BCL6: variants seen among roughly 807,000 people sequenced by gnomAD.
The protein encoded by BCL6 is BCL6 transcription repressor.
A neutral mutation model predicts 59.5 loss-of-function variants in BCL6; 7 were observed. The observed-to-expected ratio is 0.12, with a 90% CI of 0.07 to 0.22. The LOEUF is 0.22. BCL6 is among the 10% of genes least tolerant of loss of function. BCL6 has a pLI of 1.00. For missense variants in BCL6, 685 were observed against 939.4 expected, an observed-to-expected ratio of 0.73 and a Z score of 3.54; for synonymous variants, 339 against 349.7, an observed-to-expected ratio of 0.97 and a Z score of 0.34.
intron 1 of BCL6, chr3:187,736,592 T>C (rs183436953): frequency 1.3e-5 from 2 of 152,312 alleles, no homozygotes; most frequent in African/African-American, 2.4e-5. Context: ...CAGATGCGGA[T>C]TGAAACAAAC....
chr3:187,744,326 C>T (rs1576884732), intron 1 of BCL6, among the ~76,000 whole-genome samples: 1 of 151,932 alleles, frequency 6.6e-6, no homozygotes, highest in Admixed American at 6.5e-5. Flanking sequence ...CCCTTTCCCA[C>T]CCACCCCAAG....
intron 1 of BCL6, among the ~76,000 whole-genome samples, chr3:187,744,574 C>G (rs895018974): frequency 1.3e-5 from 2 of 152,034 alleles, no homozygotes; most frequent in South Asian, 4.2e-4. Flanking sequence ...GGATTTATGA[C>G]CAAAAAAACA....
intron 1 of BCL6, among the ~76,000 whole-genome samples, chr3:187,739,990 C>T (rs1052181407): frequency 1.3e-5 from 2 of 152,204 alleles, no homozygotes; most frequent in Non-Finnish European, 2.9e-5. Context: ...CGAACAGAGG[C>T]GCGTTTCTCC....
chr3:187,739,812 G>A (rs560162893), intron 1 of BCL6, among the ~76,000 whole-genome samples: 40 of 152,270 alleles, frequency 2.6e-4, no homozygotes, highest in African/African-American at 8.9e-4. Context: ...GGGGAGGGGA[G>A]AAGCATGATC....
intron 5 of BCL6, 128 bp downstream of exon 5, chr3:187,728,921 TA>T: frequency 7.8e-7 from 1 of 1,277,872 alleles, no homozygotes; most frequent in Non-Finnish European, 1.0e-6. Context: ...TTACTCAGAC[TA>T]ACTCAATCTA....
intron 6 of BCL6, among the ~76,000 whole-genome samples, chr3:187,727,850 T>A (rs1267189979): frequency 6.6e-6 from 1 of 152,204 alleles, no homozygotes; most frequent in Non-Finnish European, 1.5e-5. Context: ...CCACCAACTA[T>A]CCAGAAACTG....
chr3:187,733,965 T>C, intron 2 of BCL6: 2 of 472,622 alleles, frequency 4.2e-6, no homozygotes, highest in Non-Finnish European at 7.8e-6. Flanking sequence ...TTGAGTGTTT[T>C]TCCCACATAC....
At chr3:187,735,575 C>T (rs1719246897) in intron 1 of BCL6, among the ~76,000 whole-genome samples, 1 of 152,210 alleles carries the variant, frequency 6.6e-6, no homozygotes. Context: ...TGTTCTCTCC[C>T]TTCCCTACTG....
intron 1 of BCL6, among the ~76,000 whole-genome samples, chr3:187,744,238 C>G (rs1711759589): frequency 1.3e-5 from 2 of 152,316 alleles, no homozygotes; most frequent in African/African-American, 4.8e-5. Flanking sequence ...CGCCACCTTT[C>G]TCGTTCTCCC....
intron 1 of BCL6, among the ~76,000 whole-genome samples, chr3:187,745,158 G>A (rs186235514): frequency 1.3e-5 from 2 of 152,214 alleles, no homozygotes; most frequent in South Asian, 2.1e-4. Flanking sequence ...TATATCCTAT[G>A]GTGGGAGAGA....
Position 187,729,685 on chromosome 3 carries a change from A to C in BCL6, c.720T>G (p.Gly240=). The C allele has an allele frequency of 3.1e-6, 5 of 1,614,054 alleles. No individual in the cohort carries two copies. The highest frequency in any genetic ancestry group is 4.2e-6 in the Non-Finnish European group (5 of 1,179,986). ...CCTCCAAAGTCGGCCGGCTGTACTCACCAGGGACTGGCCTGGCACTATCAC... is the reference window on the plus strand; with the variant it reads ...CCTCCAAAGTCGGCCGGCTGTACTCCCCAGGGACTGGCCTGGCACTATCAC... ...LPCDSARPVP[G]EYSRPTLEVS... Residue 240 remains glycine (G), a synonymous_variant, in exon 5 of 10, where the codon GGT becomes GGG. Coordinates refer to ENST00000406870, the MANE Select transcript of BCL6 (RefSeq NM_001706.5). This position sits in a 1 kb window ranked among gnomAD's most constrained non-coding sequence, Gnocchi z 5.6.
chr3:187,744,849 A>C (rs550697682), intron 1 of BCL6, among the ~76,000 whole-genome samples: 3 of 152,164 alleles, frequency 2.0e-5, no homozygotes, highest in Admixed American at 6.5e-5. Context: ...AAGAGGGAAA[A>C]AACACAGCCG....
chr3:187,725,729 G>A lies in BCL6; in HGVS notation c.1709-100C>T, dbSNP rs906717824. 5.5e-6 allele frequency: 8 copies of A among 1,441,898 alleles called. No individual in the cohort carries two copies. Among genetic ancestry groups the A allele is most frequent in the Non-Finnish European group, 7.6e-6 (8 of 1,056,902 alleles). The allele number at this position is 1,441,898 out of a possible 1,614,324, so 89.3% of individuals were successfully genotyped here. ...TTCTAAGCAGCCTGCTCCTCCCTGA[G>A]GCCACTTGTGTTTTCCTTTCCCTTA... is the stretch of plus-strand genomic sequence containing the variant. On this transcript the variant is annotated intron_variant, in intron 7 of 9. Transcript: ENST00000406870. This position sits in a 1 kb window ranked among gnomAD's most constrained non-coding sequence, Gnocchi z 4.7.
chr3:187,726,365 T>TAAGG (rs1314542372), intron 7 of BCL6, among the ~76,000 whole-genome samples: 1 of 152,226 alleles, frequency 6.6e-6, no homozygotes, highest in African/African-American at 2.4e-5. Context: ...TGTGAGTTGA[T>TAAGG]AAGGAACAAG....
At chr3:187,744,618 T>C (rs147204035) in intron 1 of BCL6, among the ~76,000 whole-genome samples, 19 of 152,180 alleles carry the variant, frequency 1.2e-4, no homozygotes, top group African/African-American at 3.4e-4. Flanking sequence ...CTTGCATTTT[T>C]TCCTTCCAAA....
chr3:187,739,231 G>C (rs1201950221), intron 1 of BCL6, among the ~76,000 whole-genome samples: 1 of 152,208 alleles, frequency 6.6e-6, no homozygotes, highest in Non-Finnish European at 1.5e-5. Context: ...ACTGTTTAGG[G>C]ACAAGGACAA....
In BCL6 at chr3:187,729,728, T is replaced by C. The variant is rs1718933796; in HGVS notation, c.677A>G (p.Lys226Arg). ...ACTATCACATGGGAGTGCCCGCTCCTTGGGGAAGGGGTTGGCCACAGGCAT... is the reference window on the plus strand; with the variant it reads ...ACTATCACATGGGAGTGCCCGCTCCCTGGGGAAGGGGTTGGCCACAGGCAT... ...VRMPVANPFP[K>R]ERALPCDSAR... The change falls in exon 5 of 10, where the codon AAG becomes AGG. Residue 226 changes from lysine to arginine, a missense_variant. Physicochemically the swap from Lys to Arg is conservative, Grantham distance 26 (BLOSUM62 2). This residue lies in a region of BCL6 where 268 missense variants were observed against 263.8 expected (regional missense o/e 1.02). Transcript: ENST00000406870. The surrounding 1 kb of genome is among the most constrained non-coding windows in gnomAD (Gnocchi z 5.6). 1.2e-6 allele frequency: 2 copies of C among 1,613,986 alleles called. No individual in the cohort carries two copies. Among genetic ancestry groups the C allele is most frequent in the Non-Finnish European group, 1.7e-6 (2 of 1,180,014 alleles).
chr3:187,727,737 C>G (rs1718791923), intron 6 of BCL6, among the ~76,000 whole-genome samples: 1 of 152,206 alleles, frequency 6.6e-6, no homozygotes, highest in Non-Finnish European at 1.5e-5. Context: ...AATGAGAAGT[C>G]ACGGTGATTT....
chr3:187,727,820 G>GT (rs1718798654), intron 6 of BCL6, among the ~76,000 whole-genome samples: 2 of 152,150 alleles, frequency 1.3e-5, no homozygotes. Flanking sequence ...TTTTTGTCTG[G>GT]TAAAAACTGG....
Sources: allele counts gnomAD v4.1 joint callset (sites outside exome capture counted in the v4.1 genomes callset), GRCh38; gene constraint gnomAD v4.1.1; regional missense constraint gnomAD v4.1.1; non-coding constraint Gnocchi (gnomAD v3.1); transcripts MANE v1.5; gene names NCBI Gene and HGNC (gene_info 2026-07-23, HGNC 2026-07-21).